INPP5D: variants seen among roughly 807,000 people sequenced by gnomAD.
The protein encoded by INPP5D is phosphatidylinositol 3,4,5-trisphosphate 5-phosphatase 1.
INPP5D carries 33 observed loss-of-function variants against 122.9 expected under a neutral mutation model. The observed-to-expected ratio is 0.27, with a 90% CI of 0.20 to 0.36. The LOEUF (loss-of-function observed/expected upper bound fraction) is 0.36, where lower values mean the gene tolerates loss of function less well. Among genes scored for constraint, INPP5D ranks in the 10% least tolerant of loss-of-function variants. The pLI, the probability that INPP5D is intolerant of heterozygous loss-of-function variation, is 1.00. For missense variants in INPP5D, 1,053 were observed against 1,412.7 expected (o/e 0.75, Z 4.08); for synonymous variants, 584 against 576.2 (o/e 1.01, Z -0.19).
intron 5 of INPP5D, among the ~76,000 whole-genome samples, chr2:233,138,148 T>C (rs1464478229): frequency 1.3e-5 from 2 of 150,648 alleles, no homozygotes; most frequent in African/African-American, 4.9e-5. Flanking sequence ...GGTCAGGAGT[T>C]TGAGACCAGC....
Position 233,189,439 on chromosome 2 carries a change from C to CT in INPP5D, c.2359-410dup, listed in dbSNP as rs1445502751. The stretch of plus-strand genomic sequence containing the variant: ...AAATTCTGTGCTCTGTAGGGGGAGC[C>CT]TGGCGCAGGGTGGAGTGCATGGATC... On this transcript the variant is annotated intron_variant, in intron 21 of 26. Coordinates refer to ENST00000445964, the MANE Select transcript of INPP5D (RefSeq NM_001017915.3). This position sits in a 1 kb window ranked among gnomAD's most constrained non-coding sequence, Gnocchi z 5.6. Among the ~76,000 whole-genome samples the CT allele has an allele frequency of 1.3e-5, 2 of 152,188 alleles. No homozygotes were observed. Among genetic ancestry groups the CT allele is most frequent in the African/African-American group, 2.4e-5 (1 of 41,456 alleles).
In INPP5D at chr2:233,164,360, G is replaced by A; in HGVS notation, c.1491G>A (p.Glu497=). The change falls in exon 13 of 27, where the codon GAG becomes GAA. Residue 497 remains glutamate, a synonymous_variant. Coordinates refer to ENST00000445964, the MANE Select transcript of INPP5D (RefSeq NM_001017915.3). The surrounding 1 kb of genome is among the most constrained non-coding windows in gnomAD (Gnocchi z 4.3). Reference sequence around the variant, plus strand: ...GCATCGTGGTGCTGGCCAAGCCTGAGCACGAGAACCGGATCAGCCACATCT... The same window carrying A: ...GCATCGTGGTGCTGGCCAAGCCTGAACACGAGAACCGGATCAGCCACATCT... ...NIRIVVLAKP[E]HENRISHICT... The A allele has an allele frequency of 6.4e-7, 1 of 1,552,912 alleles. No individual in the cohort carries two copies. The highest frequency in any genetic ancestry group is 8.7e-7 in the Non-Finnish European group (1 of 1,147,760).
At chr2:233,169,178 C>G in intron 13 of INPP5D, 127 bp from the exon 14 acceptor site, 1 of 1,412,818 alleles carries the variant, frequency 7.1e-7, no homozygotes, top group Non-Finnish European at 9.6e-7. Context: ...CTGCACGACC[C>G]TGTTTCGCCC....
chr2:233,121,536 T>TTTATTTTATA (rs1553576547), intron 2 of INPP5D, among the ~76,000 whole-genome samples: 20 of 151,782 alleles, frequency 1.3e-4, no homozygotes, highest in South Asian at 6.2e-4. Context: ...TTTATTTTAT[T>TTTATTTTATA]TTATTTCGAG....
At position 233,183,353 on chromosome 2, in the gene INPP5D, G is replaced by A. The variant is rs994932431; in HGVS notation, c.2161+854G>A. Among the ~76,000 whole-genome samples the A allele has an allele frequency of 6.6e-5, 10 of 152,170 alleles. No homozygotes were observed. Among genetic ancestry groups the A allele is most frequent in the East Asian group, 1.9e-4 (1 of 5,188 alleles). On this transcript the variant is annotated intron_variant, in intron 19 of 26. Coordinates refer to ENST00000445964, the MANE Select transcript of INPP5D (RefSeq NM_001017915.3). The surrounding 1 kb of genome is among the most constrained non-coding windows in gnomAD (Gnocchi z 4.6). ...TGCCCTGGGGGACACACGTGAGGCC[G>A]AAGCACTGTCTTCCTGGGGTGCTCT...
intron 22 of INPP5D, among the ~76,000 whole-genome samples, chr2:233,193,216 A>G (rs1024594074): frequency 6.6e-6 from 1 of 152,162 alleles, no homozygotes; most frequent in Non-Finnish European, 1.5e-5. Flanking sequence ...CTCGCTTCCT[A>G]TCTATGCTAA....
chr2:233,165,565 T>C lies in INPP5D; in HGVS notation c.1555+1141T>C, dbSNP rs576941927. 2.7e-3 allele frequency among the ~76,000 whole-genome samples: 412 copies of C among 151,714 alleles called. 1 individual carries two copies. Among genetic ancestry groups the C allele is most frequent in the African/African-American group, 9.7e-3 (399 of 41,344 alleles). Reference sequence around the variant, plus strand: ...GAGTGTGTGAGTGTCTATGTGTGTGTGTCCATGCATGTGTGTTTGTGAGTG... The same window carrying C: ...GAGTGTGTGAGTGTCTATGTGTGTGCGTCCATGCATGTGTGTTTGTGAGTG... On this transcript the variant is annotated intron_variant, in intron 13 of 26. Transcript: ENST00000445964.
chr2:233,115,924 G>A (rs1009950000), intron 2 of INPP5D, among the ~76,000 whole-genome samples: 14 of 152,124 alleles, frequency 9.2e-5, no homozygotes, highest in African/African-American at 2.9e-4. Context: ...ATGACATGAC[G>A]CAGAGTGAGC....
At chr2:233,127,302 G>C (rs192025845) in intron 4 of INPP5D, among the ~76,000 whole-genome samples, 1 of 152,336 alleles carries the variant, frequency 6.6e-6, no homozygotes, top group Admixed American at 6.5e-5. Flanking sequence ...AGATGGGAAT[G>C]AGTGAAGGGG....
intron 8 of INPP5D, among the ~76,000 whole-genome samples, chr2:233,147,192 C>T (rs770020541): frequency 6.6e-6 from 1 of 152,186 alleles, no homozygotes; most frequent in Non-Finnish European, 1.5e-5. Context: ...AGTGAATGAA[C>T]CATTTCCAGC....
chr2:233,155,060 G>T (rs1237756603), intron 9 of INPP5D, among the ~76,000 whole-genome samples: 2 of 152,058 alleles, frequency 1.3e-5, no homozygotes, highest in African/African-American at 4.8e-5. Flanking sequence ...AAAGAAATGG[G>T]CCTGTGGAAT....
rs1321776863 is a variant in INPP5D at position 233,189,656 on chromosome 2, G to C, written c.2359-194G>C. Among the ~76,000 whole-genome samples, 2 of 152,098 alleles carry C rather than the reference G, an allele frequency of 1.3e-5. No homozygotes were observed. The highest frequency in any genetic ancestry group is 2.9e-5 in the Non-Finnish European group (2 of 68,000). ...CGTGGAGGTGAGGGGGACAGGGAAG[G>C]AAGCTAACCCCCACCTTGCTGGACA... On this transcript the variant is annotated intron_variant, in intron 21 of 26. Coordinates refer to ENST00000445964, the MANE Select transcript of INPP5D (RefSeq NM_001017915.3). This position sits in a 1 kb window ranked among gnomAD's most constrained non-coding sequence, Gnocchi z 5.6.
chr2:233,067,273 C>T (rs1348914156), intron 1 of INPP5D, among the ~76,000 whole-genome samples: 3 of 152,198 alleles, frequency 2.0e-5, no homozygotes, highest in Admixed American at 6.5e-5. Context: ...TTATCTTTTC[C>T]GGATGTTTCA....
chr2:233,120,269 A>C (rs957045758), intron 2 of INPP5D, among the ~76,000 whole-genome samples: 48 of 152,196 alleles, frequency 3.2e-4, no homozygotes, highest in African/African-American at 1.0e-3. Flanking sequence ...GGATCACCTG[A>C]GGTCAGGATT....
intron 6 of INPP5D, among the ~76,000 whole-genome samples, chr2:233,143,468 T>A (rs947337263): frequency 6.6e-5 from 10 of 152,176 alleles, no homozygotes; most frequent in Non-Finnish European, 1.2e-4. Flanking sequence ...TTTCAATTAT[T>A]TATGAGATAA....
intron 5 of INPP5D, among the ~76,000 whole-genome samples, chr2:233,135,432 C>CTTAA (rs1387482077): frequency 1.3e-5 from 2 of 151,940 alleles, no homozygotes; most frequent in African/African-American, 2.4e-5. Context: ...AACTCCTGGG[C>CTTAA]TTAAGCCTTG....
At chr2:233,163,539 G>A (rs923423673) in intron 11 of INPP5D, among the ~76,000 whole-genome samples, 168 bp from the exon 12 acceptor site, 2 of 152,086 alleles carry the variant, frequency 1.3e-5, no homozygotes, top group African/African-American at 4.8e-5. Flanking sequence ...CGACATCCTG[G>A]GTGAGGTTGG....
intron 5 of INPP5D, chr2:233,131,096 A>G (rs979484987): frequency 1.4e-5 from 13 of 906,212 alleles, no homozygotes; most frequent in Non-Finnish European, 1.7e-5. Context: ...AGTGATGTCA[A>G]TTTTTCAAAG....
chr2:233,201,813 G>A (rs577844167), intron 25 of INPP5D, among the ~76,000 whole-genome samples: 29 of 152,226 alleles, frequency 1.9e-4, no homozygotes, highest in African/African-American at 6.3e-4. Flanking sequence ...GATGAGACTC[G>A]TCTCCTGAAT....
Sources: allele counts gnomAD v4.1 joint callset (sites outside exome capture counted in the v4.1 genomes callset), GRCh38; gene constraint gnomAD v4.1.1; non-coding constraint Gnocchi (gnomAD v3.1); transcripts MANE v1.5; gene names NCBI Gene and HGNC (gene_info 2026-07-23, HGNC 2026-07-21).